Variants in CDH18 observed in about 807,000 individuals in gnomAD.
CDH18 encodes the protein cadherin 18, also known as cadherin-18.
A neutral mutation model predicts 67.9 loss-of-function variants in CDH18; 31 were observed. The observed-to-expected ratio is 0.46, with a 90% CI of 0.34 to 0.62. The LOEUF is 0.62. Among genes scored for constraint, CDH18 ranks in the 20% least tolerant of loss-of-function variants. The pLI is 0.01. For synonymous variants in CDH18, 362 were observed against 347.2 expected (o/e 1.04, Z -0.48); for missense variants, 890 against 975.5 (o/e 0.91, Z 1.17).
intron 1 of CDH18, among the ~76,000 whole-genome samples, chr5:20,309,590 T>A (rs144075285): frequency 1.3e-5 from 2 of 152,226 alleles, no homozygotes; most frequent in African/African-American, 4.8e-5. Flanking sequence ...TACTGCTGCC[T>A]AACTTGTTCA....
chr5:20,082,910 A>G (rs943993750), intron 2 of CDH18, among the ~76,000 whole-genome samples: 2 of 152,190 alleles, frequency 1.3e-5, no homozygotes, highest in Non-Finnish European at 2.9e-5. Flanking sequence ...CAACCCTGCC[A>G]GCACTTTGAT....
chr5:19,566,630 A>T (rs347707), intron 8 of CDH18, among the ~76,000 whole-genome samples: 2 of 151,958 alleles, frequency 1.3e-5, no homozygotes, highest in Admixed American at 1.3e-4. Context: ...AACACTATGG[A>T]GGAAACCGCC....
At chr5:19,655,984 T>G (rs1756316164) in intron 5 of CDH18, among the ~76,000 whole-genome samples, 1 of 142,900 alleles carries the variant, frequency 7.0e-6, no homozygotes, top group South Asian at 2.2e-4. Flanking sequence ...GTCTACTCAC[T>G]TCTTTTTTTT....
chr5:20,500,379 T>G (rs1754185626), intron 1 of CDH18, among the ~76,000 whole-genome samples: 1 of 152,288 alleles, frequency 6.6e-6, no homozygotes, highest in East Asian at 1.9e-4. Context: ...TAACAAATGC[T>G]GGGTTTCAAG....
At chr5:19,483,747 TA>T (rs1739894402) in intron 11 of CDH18, among the ~76,000 whole-genome samples, 195 bp from the exon 12 acceptor site, 1 of 152,116 alleles carries the variant, frequency 6.6e-6, no homozygotes, top group Admixed American at 6.6e-5. Context: ...TTAGAAAAAT[TA>T]ATACAGCCAC....
intron 2 of CDH18, among the ~76,000 whole-genome samples, chr5:20,132,421 C>T (rs994635154): frequency 1.9e-4 from 29 of 152,086 alleles, no homozygotes; most frequent in Admixed American, 1.6e-3. Context: ...GTACATTTTT[C>T]ATAATTAATG....
intron 2 of CDH18, among the ~76,000 whole-genome samples, chr5:20,037,449 A>T (rs1739976513): frequency 6.6e-6 from 1 of 152,092 alleles, no homozygotes; most frequent in South Asian, 2.1e-4. Flanking sequence ...TTGACCACAC[A>T]ATTGGAAGTA....
At chr5:20,172,183 A>AC in intron 2 of CDH18, among the ~76,000 whole-genome samples, 1 of 11,624 alleles carries the variant, frequency 8.6e-5, no homozygotes, top group Admixed American at 9.7e-4. Context: ...TATCAATAGC[A>AC]TTGTGTGTAT....
chr5:19,710,191 A>G (rs1764536348), intron 5 of CDH18, among the ~76,000 whole-genome samples: 1 of 152,148 alleles, frequency 6.6e-6, no homozygotes, highest in Admixed American at 6.6e-5. Flanking sequence ...TCAGACATTC[A>G]GCCTTTCTAA....
intron 5 of CDH18, among the ~76,000 whole-genome samples, chr5:19,686,335 T>C (rs926528984): frequency 6.6e-6 from 1 of 152,116 alleles, no homozygotes; most frequent in African/African-American, 2.4e-5. Flanking sequence ...AATATTGCAA[T>C]AAATATGGTA....
At chr5:19,933,466 G>C (rs994858529) in intron 2 of CDH18, among the ~76,000 whole-genome samples, 1 of 151,416 alleles carries the variant, frequency 6.6e-6, no homozygotes, top group Admixed American at 6.6e-5. Flanking sequence ...AATGTATTCA[G>C]TATTGACCTA....
chr5:20,258,690 A>C (rs1744422552), intron 1 of CDH18, among the ~76,000 whole-genome samples: 1 of 152,140 alleles, frequency 6.6e-6, no homozygotes, highest in Non-Finnish European at 1.5e-5. Context: ...TTCTTACAAC[A>C]TGGATGGTTT....
chr5:20,201,970 G>A (rs1258959754), intron 2 of CDH18, among the ~76,000 whole-genome samples: 1 of 152,158 alleles, frequency 6.6e-6, no homozygotes, highest in Non-Finnish European at 1.5e-5. Flanking sequence ...TCCAGAAACA[G>A]GGAGAAGTCA....
At chr5:19,895,856 C>A (rs1789266703) in intron 2 of CDH18, among the ~76,000 whole-genome samples, 1 of 151,908 alleles carries the variant, frequency 6.6e-6, no homozygotes, top group Non-Finnish European at 1.5e-5. Context: ...GGTGAGGGGA[C>A]CAGTGAAAAG....
chr5:20,556,968 G>C (rs772528687), intron 1 of CDH18, among the ~76,000 whole-genome samples: 3 of 151,918 alleles, frequency 2.0e-5, no homozygotes, highest in Non-Finnish European at 4.4e-5. Flanking sequence ...CTCTGGGGAT[G>C]GAAAAACCTA....
At chr5:19,520,027 A>C (rs1183675569) in intron 10 of CDH18, among the ~76,000 whole-genome samples, 1 of 152,092 alleles carries the variant, frequency 6.6e-6, no homozygotes, top group Non-Finnish European at 1.5e-5. Context: ...ATTTTGTATA[A>C]TTTCTTATAC....
intron 2 of CDH18, among the ~76,000 whole-genome samples, chr5:20,116,591 T>C (rs184543066): frequency 6.2e-4 from 94 of 152,306 alleles, no homozygotes; most frequent in African/African-American, 2.1e-3. Context: ...ATTTTAAGTG[T>C]TGTTATTAAC....
chr5:20,336,228 G>T (rs994201679), intron 1 of CDH18, among the ~76,000 whole-genome samples: 7 of 152,018 alleles, frequency 4.6e-5, no homozygotes, highest in African/African-American at 1.2e-4. Context: ...AGCTAGTGTG[G>T]TCATCTCCCC....
At chr5:19,778,689 T>G (rs1561282057) in intron 3 of CDH18, among the ~76,000 whole-genome samples, 1 of 152,244 alleles carries the variant, frequency 6.6e-6, no homozygotes, top group South Asian at 2.1e-4. Flanking sequence ...AAAGTCAAAC[T>G]AATGAACAAT....
Sources: gnomAD v4.1 joint callset for allele counts (sites outside exome capture counted in the v4.1 genomes callset) on GRCh38, gnomAD v4.1.1 for gene constraint, MANE v1.5 for transcripts, NCBI Gene and HGNC (gene_info 2026-07-23, HGNC 2026-07-21) for gene names.